Variants in THOC6 observed in about 807,000 individuals in gnomAD.
THOC6 encodes THO complex subunit 6, also known as THO complex 6.
A neutral mutation model predicts 55.8 loss-of-function variants in THOC6; 39 were observed. The ratio of observed to expected loss-of-function variants is 0.70; its 90% CI spans 0.54 to 0.91. The LOEUF is 0.91. Among genes scored for constraint, THOC6 ranks in the 40% least tolerant of loss-of-function variants. THOC6 has a pLI of 0.00. For missense variants in THOC6, 482 were observed against 442.0 expected (o/e 1.09, Z -0.81); for synonymous variants, 192 against 175.6 (o/e 1.09, Z -0.74).
chr16:3,027,551 G>A (rs377551922), intron 12 of THOC6, 26 bp from the exon 13 acceptor site: 3 of 1,613,068 alleles, frequency 1.9e-6, no homozygotes, highest in Non-Finnish European at 2.5e-6. Context: ...GTGTGGGCAG[G>A]CCAGTCATGC....
At position 3,027,050 on chromosome 16, in the gene THOC6, T is replaced by A. The variant is rs760174599; in HGVS notation, c.676T>A (p.Leu226Met). The A allele has an allele frequency of 4.3e-6, 7 of 1,614,050 alleles. 1 individual carries two copies. The South Asian group carries it at 7.7e-5, about 18-fold the overall frequency. The change falls in exon 10 of 13, where the codon TTG (leucine) becomes ATG (methionine). Residue 226 changes from leucine (L) to methionine (M), a missense_variant. Leu to Met is a conservative substitution (Grantham distance 15). Coordinates refer to ENST00000326266, the MANE Select transcript of THOC6 (RefSeq NM_024339.5). ...RPHNGRWIGCLATDSDWMVCG... is the reference protein window; with the variant it reads ...RPHNGRWIGCMATDSDWMVCG... ...CCACAATGGGCGCTGGATTGGATGT[T>A]TGGCAACTGATTCCGACTGGATGGT...
chr16:3,024,569 C>T (rs548965021), intron 1 of THOC6, among the ~76,000 whole-genome samples: 2 of 148,886 alleles, frequency 1.3e-5, no homozygotes, highest in Non-Finnish European at 3.0e-5. Context: ...TAAATCAGTA[C>T]GTTTTTCTAT....
intron 5 of THOC6, 31 bp from the exon 6 acceptor site, chr16:3,026,334 T>C: frequency 6.2e-7 from 1 of 1,614,026 alleles, no homozygotes; most frequent in East Asian, 2.2e-5. Context: ...GTGAAGCCAC[T>C]TCCTCACTGA....
Position 3,027,290 on chromosome 16 carries a change from T to C in THOC6, c.810+10T>C, listed in dbSNP as rs752480274. 1 of 1,614,138 alleles carries C rather than the reference T, an allele frequency of 6.2e-7. No homozygotes were observed. Among genetic ancestry groups the C allele is most frequent in the Admixed American group, 1.7e-5 (1 of 60,028 alleles). On this transcript the variant is annotated intron_variant, in intron 11 of 12. Coordinates refer to ENST00000326266, the MANE Select transcript of THOC6 (RefSeq NM_024339.5). ...CTTCTACCAGGACCTGGTGAGGCCCTGTGTCTCACTTCTGCCACCCCCACT... is the reference window on the plus strand; with the variant it reads ...CTTCTACCAGGACCTGGTGAGGCCCCGTGTCTCACTTCTGCCACCCCCACT...
Position 3,024,041 on chromosome 16 carries a change from G to C in THOC6, c.-286G>C. On this transcript the variant is annotated 5_prime_UTR_variant, in exon 1 of 13. Transcript: ENST00000326266. The stretch of plus-strand genomic sequence containing the variant: ...GGCGTGGCTTTAGGCGGGCACAGCC[G>C]CGAGGTTCTGCGCGGGCGCGGAAGA... 1 of 976,520 alleles carries C rather than the reference G, an allele frequency of 1.0e-6. No individual in the cohort carries two copies. Among genetic ancestry groups the C allele is most frequent in the Non-Finnish European group, 1.5e-6 (1 of 672,662 alleles). The allele number at this position is 976,520 out of a possible 1,614,324, so 60.5% of individuals were successfully genotyped here.
In THOC6 at chr16:3,027,615, C is replaced by T. The variant is rs755817471; in HGVS notation, c.984C>T (p.Val328=). The T allele has an allele frequency of 6.8e-6, 11 of 1,614,186 alleles. No homozygotes were observed. The South Asian group carries it at 9.9e-5, about 14-fold the overall frequency. ...CAGGCAACAGCTGCCGGGTGGATGTCTTCACCAACCTGGGTTACCGAGCCT... is the reference window on the plus strand; with the variant it reads ...CAGGCAACAGCTGCCGGGTGGATGTTTTCACCAACCTGGGTTACCGAGCCT... ...TAAGNSCRVD[V]FTNLGYRAFS... The change falls in exon 13 of 13, where the codon GTC becomes GTT. Residue 328 remains valine (V), a synonymous_variant. Transcript: ENST00000326266.
chr16:3,025,390 C>G lies in THOC6; in HGVS notation c.40-318C>G, dbSNP rs59917950. ...TGACAGCCCCATGTAAAGCTCTTGTCTATACACTAGCTCATCTAATTGTGA... is the reference window on the plus strand; with the variant it reads ...TGACAGCCCCATGTAAAGCTCTTGTGTATACACTAGCTCATCTAATTGTGA... On this transcript the variant is annotated intron_variant, in intron 1 of 12. Transcript: ENST00000326266. Among the ~76,000 whole-genome samples the G allele has an allele frequency of 9.5e-3, 1,448 of 152,326 alleles. 19 individuals are homozygous for G. Among genetic ancestry groups the G allele is most frequent in the African/African-American group, 0.033 (1,362 of 41,564 alleles).
Position 3,026,753 on chromosome 16 carries a change from T to C in THOC6, c.558T>C (p.Gly186=), listed in dbSNP as rs2072805438. 21 of 1,613,788 alleles carry C rather than the reference T, an allele frequency of 1.3e-5. No homozygotes were observed. The highest frequency in any genetic ancestry group is 1.8e-5 in the Non-Finnish European group (21 of 1,179,866). The change falls in exon 8 of 13, where the codon GGT becomes GGC. Residue 186 remains glycine, a synonymous_variant. Coordinates refer to ENST00000326266, the MANE Select transcript of THOC6 (RefSeq NM_024339.5). Reference sequence around the variant, plus strand: ...AAAGGAGCCCAGAGGTGCTGTCAGGTGGCGAGGATGGAGCTGTTCGACTTT... The same window carrying C: ...AAAGGAGCCCAGAGGTGCTGTCAGGCGGCGAGGATGGAGCTGTTCGACTTT... ...LRERSPEVLS[G]GEDGAVRLWD... is the part of the protein sequence containing the mutation.
Position 3,027,485 on chromosome 16 carries a change from C to G in THOC6, c.930C>G (p.Ala310=), listed in dbSNP as rs149227535. The G allele has an allele frequency of 4.3e-5, 69 of 1,609,976 alleles. No homozygotes were observed. Among genetic ancestry groups the G allele is most frequent in the African/African-American group, 8.0e-5 (6 of 74,888 alleles). Reference sequence around the variant, plus strand: ...GCCTCAGCCTCAACCAGCAGCCTGCCGCGCCTGAGTGCAAGGTGGGTCCGG... The same window carrying G: ...GCCTCAGCCTCAACCAGCAGCCTGCGGCGCCTGAGTGCAAGGTGGGTCCGG... ...LLSLSLNQQP[A]APECKVLTAA... Residue 310 remains alanine (A), a synonymous_variant, in exon 12 of 13, where the codon GCC becomes GCG. Coordinates refer to ENST00000326266, the MANE Select transcript of THOC6 (RefSeq NM_024339.5).
At chr16:3,025,305 C>G (rs1343190946) in intron 1 of THOC6, among the ~76,000 whole-genome samples, 4 of 152,184 alleles carry the variant, frequency 2.6e-5, no homozygotes, top group Admixed American at 2.6e-4. Context: ...TCTCAAACTC[C>G]TGGCCTCCCA....
At position 3,027,396 on chromosome 16, in the gene THOC6, A is replaced by C. The variant is rs1198726901; in HGVS notation, c.841A>C (p.Asn281His). Reference sequence around the variant, plus strand: ...GTCAGCTGGCCAGGGCCGCTGCGTCAACCAGTGGCAGCTGAGCGGGGAGCT... The same window carrying C: ...GTCAGCTGGCCAGGGCCGCTGCGTCCACCAGTGGCAGCTGAGCGGGGAGCT... The part of the protein sequence containing the change: ...ILSAGQGRCV[N>H]QWQLSGELKA... Residue 281 changes from asparagine (N) to histidine (H), a missense_variant, in exon 12 of 13, where the codon AAC becomes CAC. By Grantham distance (68) the Asn-to-His change is moderately conservative. Coordinates refer to ENST00000326266, the MANE Select transcript of THOC6 (RefSeq NM_024339.5). 6.2e-7 allele frequency: 1 copy of C among 1,612,770 alleles called. No individual in the cohort carries two copies. The highest frequency in any genetic ancestry group is 1.1e-5 in the South Asian group (1 of 91,030).
intron 11 of THOC6, 22 bp downstream of exon 11, chr16:3,027,302 C>T: frequency 6.2e-7 from 1 of 1,614,202 alleles, no homozygotes; most frequent in Non-Finnish European, 8.5e-7. Context: ...TGTCTCACTT[C>T]TGCCACCCCC....
chr16:3,026,557 C>A lies in THOC6; in HGVS notation c.453C>A (p.His151Gln). 6.2e-7 allele frequency: 1 copy of A among 1,614,110 alleles called. No individual in the cohort carries two copies. Among genetic ancestry groups the A allele is most frequent in the Non-Finnish European group, 8.5e-7 (1 of 1,180,006 alleles). Residue 151 changes from histidine (H) to glutamine (Q), a missense_variant, in exon 7 of 13, where the codon CAC (histidine) becomes CAA (glutamine). By Grantham distance (24) the His-to-Gln change is conservative. Coordinates refer to ENST00000326266, the MANE Select transcript of THOC6 (RefSeq NM_024339.5). Reference sequence around the variant, plus strand: ...TGGCTGGGGGAGACTGTCAGTTGCACACTATGGACCTTGAAACTGGGACTT... The same window carrying A: ...TGGCTGGGGGAGACTGTCAGTTGCAAACTATGGACCTTGAAACTGGGACTT... ...LILAGGDCQL[H>Q]TMDLETGTFT...
chr16:3,025,909 C>T lies in THOC6; in HGVS notation c.156-15C>T. 1 of 1,614,254 alleles carries T rather than the reference C, an allele frequency of 6.2e-7. No homozygotes were observed. The highest frequency in any genetic ancestry group is 8.5e-7 in the Non-Finnish European group (1 of 1,180,048). On this transcript the variant is annotated splice_polypyrimidine_tract_variant and intron_variant, in intron 2 of 12. Transcript: ENST00000326266. ...CCCGTTTCTGACTCCTGGGTCCCCT[C>T]CGCTGTCCCTGCAGCTTGTCCTCTG... is the stretch of plus-strand genomic sequence containing the variant.
intron 1 of THOC6, 134 bp from the exon 2 acceptor site, chr16:3,025,574 C>G: frequency 1.3e-6 from 1 of 744,918 alleles, no homozygotes; most frequent in South Asian, 1.7e-5. Context: ...TGGCTTGGGG[C>G]GGGGCCGCCT....
rs573730677 is a variant in THOC6 at position 3,024,444 on chromosome 16, G to T, written c.39+79G>T. 3.2e-6 allele frequency: 5 copies of T among 1,569,396 alleles called. No homozygotes were observed. The African/African-American group carries it at 5.4e-5, about 17-fold the overall frequency. ...TGGGACGGGGCGGGCAGGGAATCGTGCCCTGAGCCCTGTTTTGCCTGGGCT... is the reference window on the plus strand; with the variant it reads ...TGGGACGGGGCGGGCAGGGAATCGTTCCCTGAGCCCTGTTTTGCCTGGGCT... On this transcript the variant is annotated intron_variant, in intron 1 of 12. Transcript: ENST00000326266.
chr16:3,025,828 C>T lies in THOC6; in HGVS notation c.155+5C>T, dbSNP rs762679673. On this transcript the variant is annotated splice_donor_5th_base_variant and intron_variant, in intron 2 of 12. Transcript: ENST00000326266. The stretch of plus-strand genomic sequence containing the variant: ...CGGGCAGATTGCCATCTTCAGGTAC[C>T]CTCTGCCGCTGTCCACCCATTAGCC... 3.7e-6 allele frequency: 6 copies of T among 1,614,048 alleles called. No homozygotes were observed. In the African/African-American group the frequency reaches 4.0e-5, roughly 11 times the overall value.
In THOC6 at chr16:3,024,376, C is replaced by T. The variant is rs2072726449; in HGVS notation, c.39+11C>T. ...GTGCCTCTGGGTCAGGTGAGACGGA[C>T]GTGGTGCGCGTTGCCTTCTGGGGTT... On this transcript the variant is annotated intron_variant, in intron 1 of 12. Coordinates refer to ENST00000326266, the MANE Select transcript of THOC6 (RefSeq NM_024339.5). 1 of 1,613,976 alleles carries T rather than the reference C, an allele frequency of 6.2e-7. No individual in the cohort carries two copies. Among genetic ancestry groups the T allele is most frequent in the African/African-American group, 1.3e-5 (1 of 74,912 alleles).
At chr16:3,024,637 C>T (rs1198115724) in intron 1 of THOC6, among the ~76,000 whole-genome samples, 3 of 126,076 alleles carry the variant, frequency 2.4e-5, no homozygotes, top group Non-Finnish European at 1.6e-5. Context: ...TTGCAAAGCA[C>T]TTTTTTTTTT....
Sources: gnomAD v4.1 joint callset for allele counts (sites outside exome capture counted in the v4.1 genomes callset) on GRCh38, gnomAD v4.1.1 for gene constraint, MANE v1.5 for transcripts, NCBI Gene and HGNC (gene_info 2026-07-23, HGNC 2026-07-21) for gene names.